NKAIN3: variants seen among roughly 807,000 people sequenced by gnomAD.
NKAIN3 encodes the protein sodium/potassium-transporting ATPase subunit beta-1-interacting protein 3.
Under a neutral mutation model 30.2 loss-of-function variants are expected in NKAIN3, and 25 were observed. The ratio of observed to expected loss-of-function variants is 0.83; its 90% CI spans 0.60 to 1.16. The LOEUF (loss-of-function observed/expected upper bound fraction) is 1.16. Ranked by LOEUF, NKAIN3 falls within the 50% of genes most tolerant of loss-of-function variation. The probability of loss-of-function intolerance (pLI) is 0.00; values close to 1 mark genes in which losing one functional copy is unlikely to be tolerated. For synonymous variants in NKAIN3, 91 were observed against 89.6 expected (o/e 1.02, Z -0.09); for missense variants, 225 against 254.1 (o/e 0.89, Z 0.78).
intron 3 of NKAIN3, 81 bp downstream of exon 3, chr8:62,589,875 TTGTGTGTGTG>T (rs35791396): frequency 0.024 from 10,283 of 429,976 alleles, 869 homozygotes; most frequent in African/African-American, 0.2. Flanking sequence ...TATAGGTATA[TTGTGTGTGTG>T]TGTGTGTGTG....
intron 1 of NKAIN3, among the ~76,000 whole-genome samples, chr8:62,318,178 G>A (rs1272847615): frequency 2.6e-5 from 4 of 152,148 alleles, no homozygotes; most frequent in African/African-American, 4.8e-5. Context: ...GAGATTTTGG[G>A]CTGAGAAGAT....
chr8:62,448,597 C>T (rs531918758), intron 1 of NKAIN3, among the ~76,000 whole-genome samples: 1 of 151,692 alleles, frequency 6.6e-6, no homozygotes, highest in East Asian at 1.9e-4. Context: ...TCACAGTTTG[C>T]TTTATTCTGT....
Position 62,973,636 on chromosome 8 carries a change from T to A in NKAIN3, c.*8229T>A, listed in dbSNP as rs568369722. ...GGTTGCCTGTTCACTCTGATAATAGTTTCTTTTGCTGCACAGAAGCTCCTT... is the reference window on the plus strand; with the variant it reads ...GGTTGCCTGTTCACTCTGATAATAGATTCTTTTGCTGCACAGAAGCTCCTT... On this transcript the variant is annotated 3_prime_UTR_variant, in exon 7 of 7. Transcript: ENST00000623646. Among the ~76,000 whole-genome samples, 113 of 152,332 alleles carry A rather than the reference T, an allele frequency of 7.4e-4. 1 individual carries two copies. The highest frequency in any genetic ancestry group is 2.6e-3 in the African/African-American group (110 of 41,590).
chr8:62,291,929 G>T (rs1266877224), intron 1 of NKAIN3, among the ~76,000 whole-genome samples: 1 of 152,158 alleles, frequency 6.6e-6, no homozygotes. Flanking sequence ...CCTGTATTGG[G>T]TGCATATATA....
chr8:62,516,188 C>T (rs1807977227), intron 1 of NKAIN3, among the ~76,000 whole-genome samples: 2 of 152,062 alleles, frequency 1.3e-5, no homozygotes, highest in South Asian at 2.1e-4. Context: ...CTTCTATTAA[C>T]CTTGTAGTTC....
chr8:62,830,863 T>C (rs1260483883), intron 4 of NKAIN3, among the ~76,000 whole-genome samples: 1 of 152,158 alleles, frequency 6.6e-6, no homozygotes, highest in Admixed American at 6.5e-5. Flanking sequence ...GGACATCCCT[T>C]CAGCACTGAT....
chr8:62,785,875 T>A (rs1253360813), intron 4 of NKAIN3, among the ~76,000 whole-genome samples: 2 of 152,104 alleles, frequency 1.3e-5, no homozygotes, highest in Non-Finnish European at 2.9e-5. Context: ...TTCTCATAAA[T>A]CCAGTTGAAG....
At chr8:62,893,520 G>A (rs1821349003) in intron 4 of NKAIN3, among the ~76,000 whole-genome samples, 1 of 152,184 alleles carries the variant, frequency 6.6e-6, no homozygotes, top group Non-Finnish European at 1.5e-5. Context: ...TATAAGCTAT[G>A]GGCTATGGGC....
intron 1 of NKAIN3, among the ~76,000 whole-genome samples, chr8:62,503,103 C>T (rs111335263): frequency 0.023 from 3,524 of 152,202 alleles, 134 homozygotes; most frequent in African/African-American, 0.08. Flanking sequence ...GGATTCTTAT[C>T]GGGGGAACCC....
At chr8:62,919,074 G>A (rs1476831196) in intron 5 of NKAIN3, among the ~76,000 whole-genome samples, 1 of 151,572 alleles carries the variant, frequency 6.6e-6, no homozygotes, top group Non-Finnish European at 1.5e-5. Flanking sequence ...ACACCCAAAG[G>A]AAAAACATTT....
intron 1 of NKAIN3, among the ~76,000 whole-genome samples, chr8:62,277,953 C>A (rs2129395203): frequency 6.6e-6 from 1 of 152,206 alleles, no homozygotes; most frequent in Middle Eastern, 3.4e-3. Context: ...CAGTGTAGAG[C>A]AAGAACCTGG....
intron 1 of NKAIN3, among the ~76,000 whole-genome samples, chr8:62,326,558 T>C (rs977887823): frequency 2.6e-5 from 4 of 151,570 alleles, no homozygotes; most frequent in Non-Finnish European, 5.9e-5. Flanking sequence ...TATTATTTAA[T>C]AATTATTAAT....
chr8:62,283,858 T>G (rs1393193019), intron 1 of NKAIN3, among the ~76,000 whole-genome samples: 1 of 152,134 alleles, frequency 6.6e-6, no homozygotes, highest in Non-Finnish European at 1.5e-5. Flanking sequence ...TCAAAAAATT[T>G]ACAGTAAAAA....
rs573887705 is a variant in NKAIN3 at position 62,759,548 on chromosome 8, C to T, written c.471+12419C>T. On this transcript the variant is annotated intron_variant, in intron 4 of 6. Transcript: ENST00000623646. ...TGTGGAACTAGAGAGACTTATCAGA[C>T]GGACATCAAATCATGAGAACATGGT... is the stretch of plus-strand genomic sequence containing the variant. 1.3e-3 allele frequency among the ~76,000 whole-genome samples: 201 copies of T among 152,174 alleles called. 1 individual carries two copies. The highest frequency in any genetic ancestry group is 4.3e-3 in the Admixed American group (65 of 15,270).
chr8:62,896,136 G>A (rs1187791922), intron 4 of NKAIN3, among the ~76,000 whole-genome samples: 1 of 152,118 alleles, frequency 6.6e-6, no homozygotes, highest in Non-Finnish European at 1.5e-5. Flanking sequence ...CAAGATCAGG[G>A]TGCCAGCATA....
intron 3 of NKAIN3, among the ~76,000 whole-genome samples, chr8:62,691,200 T>C (rs182269055): frequency 7.0e-4 from 106 of 152,278 alleles, no homozygotes; most frequent in African/African-American, 2.3e-3. Flanking sequence ...ACCCATTATC[T>C]CCTACATTGT....
chr8:62,866,229 C>G (rs1419700196), intron 4 of NKAIN3, among the ~76,000 whole-genome samples: 1 of 152,028 alleles, frequency 6.6e-6, no homozygotes, highest in African/African-American at 2.4e-5. Context: ...TTCATTGTGT[C>G]GAATGAAAAA....
chr8:62,463,228 C>G (rs1282641660), intron 1 of NKAIN3, among the ~76,000 whole-genome samples: 1 of 152,084 alleles, frequency 6.6e-6, no homozygotes, highest in African/African-American at 2.4e-5. Context: ...TAAGTTTGGT[C>G]CATTATAATT....
chr8:62,917,609 C>T (rs118046872), intron 4 of NKAIN3, among the ~76,000 whole-genome samples: 105 of 152,204 alleles, frequency 6.9e-4, no homozygotes, highest in African/African-American at 2.3e-3. Context: ...TTTCTTTTCC[C>T]GGTATTATTT....
Sources: gnomAD v4.1 joint callset for allele counts (sites outside exome capture counted in the v4.1 genomes callset) on GRCh38, gnomAD v4.1.1 for gene constraint, MANE v1.5 for transcripts, NCBI Gene and HGNC (gene_info 2026-07-23, HGNC 2026-07-21) for gene names.